Variants in VWC2 observed in about 807,000 individuals in gnomAD.
VWC2 encodes von Willebrand factor C domain containing 2.
VWC2 carries 14 observed loss-of-function variants against 29.8 expected under a neutral mutation model. The ratio of observed to expected loss-of-function variants is 0.47; its 90% CI spans 0.31 to 0.74. The LOEUF (loss-of-function observed/expected upper bound fraction) is 0.74, where lower values mean the gene tolerates loss of function less well. Among genes scored for constraint, VWC2 ranks in the 30% least tolerant of loss-of-function variants. The pLI is 0.05. For missense variants in VWC2, 457 were observed against 459.8 expected, an observed-to-expected ratio of 0.99 and a Z score of 0.05; for synonymous variants, 213 against 199.0, an observed-to-expected ratio of 1.07 and a Z score of -0.59.
At chr7:49,854,891 AAGCT>A (rs1228386538) in intron 3 of VWC2, among the ~76,000 whole-genome samples, 1 of 152,214 alleles carries the variant, frequency 6.6e-6, no homozygotes, top group Non-Finnish European at 1.5e-5. Flanking sequence ...TAGAACTATG[AAGCT>A]CAAAAAGGTT....
At chr7:49,897,336 AC>A (rs917111795) in intron 3 of VWC2, among the ~76,000 whole-genome samples, 6 of 152,216 alleles carry the variant, frequency 3.9e-5, no homozygotes, top group African/African-American at 1.2e-4. Context: ...AAAACCAAAG[AC>A]AGTGAAAAAA....
intron 2 of VWC2, among the ~76,000 whole-genome samples, chr7:49,797,801 A>G (rs911862132): frequency 4.6e-5 from 7 of 152,214 alleles, no homozygotes; most frequent in Non-Finnish European, 8.8e-5. Flanking sequence ...CTCCTGGCAC[A>G]CAATAGGGGC....
intron 2 of VWC2, among the ~76,000 whole-genome samples, chr7:49,794,950 C>G (rs561197088): frequency 1.3e-5 from 2 of 152,360 alleles, no homozygotes; most frequent in South Asian, 4.1e-4. Context: ...ATGCACGTAG[C>G]TCAGTTAGCG....
intron 3 of VWC2, among the ~76,000 whole-genome samples, chr7:49,856,767 T>A (rs1270501021): frequency 1.3e-5 from 2 of 152,018 alleles, no homozygotes; most frequent in African/African-American, 4.8e-5. Context: ...GTAACATGAT[T>A]GGGAGGCCGA....
At position 49,806,439 on chromosome 7, in the gene VWC2, A is replaced by G. The variant is rs1583640561; in HGVS notation, c.826+3599A>G. On this transcript the variant is annotated intron_variant, in intron 3 of 3. Transcript: ENST00000340652. Reference sequence around the variant, plus strand: ...TGCCAAAAGCACAAAGCCACTGGATATAAAGGTTGTATATCTCCCTGAAGT... The same window carrying G: ...TGCCAAAAGCACAAAGCCACTGGATGTAAAGGTTGTATATCTCCCTGAAGT... Among the ~76,000 whole-genome samples, 5 of 152,216 alleles carry G rather than the reference A, an allele frequency of 3.3e-5. No homozygotes were observed. In the South Asian group the frequency reaches 1.0e-3, roughly 31 times the overall value.
At chr7:49,788,669 GTC>G (rs1251047764) in intron 2 of VWC2, among the ~76,000 whole-genome samples, 3 of 141,354 alleles carry the variant, frequency 2.1e-5, no homozygotes, top group South Asian at 2.2e-4. Flanking sequence ...GGGTATGAGA[GTC>G]TGTGAGTGTG....
chr7:49,867,130 CTCGAGAGAACA>C (rs1583709554), intron 3 of VWC2, among the ~76,000 whole-genome samples: 2 of 152,288 alleles, frequency 1.3e-5, no homozygotes, highest in East Asian at 3.9e-4. Context: ...TGGGGAGCCT[CTCGAGAGAACA>C]ACACACACAG....
intron 3 of VWC2, among the ~76,000 whole-genome samples, chr7:49,884,006 G>A (rs1001572252): frequency 4.6e-5 from 7 of 152,222 alleles, no homozygotes; most frequent in African/African-American, 1.7e-4. Context: ...TAGCACGACT[G>A]TGGGTGTGGG....
chr7:49,859,514 AC>A (rs1263510814), intron 3 of VWC2, among the ~76,000 whole-genome samples: 3 of 152,110 alleles, frequency 2.0e-5, no homozygotes, highest in Non-Finnish European at 4.4e-5. Context: ...CACGTGGATA[AC>A]CACTTGTCTC....
chr7:49,845,265 C>T (rs77058189), intron 3 of VWC2, among the ~76,000 whole-genome samples: 4,522 of 150,886 alleles, frequency 0.03, 185 homozygotes, highest in South Asian at 0.12. Flanking sequence ...ATACACTGCA[C>T]ATGTACCCTG....
chr7:49,816,504 G>A (rs188205802), intron 3 of VWC2, among the ~76,000 whole-genome samples: 2 of 152,306 alleles, frequency 1.3e-5, no homozygotes, highest in African/African-American at 2.4e-5. Context: ...TCTGATTTGG[G>A]TAATGACAAA....
intron 1 of VWC2, among the ~76,000 whole-genome samples, chr7:49,774,717 A>T (rs1008633904): frequency 6.6e-6 from 1 of 152,158 alleles, no homozygotes; most frequent in Non-Finnish European, 1.5e-5. Flanking sequence ...GGCCGAGGGC[A>T]TCCTTTCATG....
At chr7:49,898,497 T>C (rs1217314325) in intron 3 of VWC2, among the ~76,000 whole-genome samples, 1 of 152,098 alleles carries the variant, frequency 6.6e-6, no homozygotes, top group African/African-American at 2.4e-5. Context: ...TTTTTATTAC[T>C]CCTTCACTTT....
At chr7:49,788,869 TGG>T (rs562390232) in intron 2 of VWC2, among the ~76,000 whole-genome samples, 2 of 137,690 alleles carry the variant, frequency 1.5e-5, no homozygotes, top group Non-Finnish European at 3.1e-5. Context: ...AGCGTGTGTG[TGG>T]GGGGTGTGAG....
intron 3 of VWC2, among the ~76,000 whole-genome samples, chr7:49,859,785 TGC>T (rs200452451): frequency 1.4e-4 from 11 of 80,012 alleles, no homozygotes; most frequent in South Asian, 3.8e-4. Flanking sequence ...ACAGTGCGCG[TGC>T]GTGCACACAC....
intron 3 of VWC2, among the ~76,000 whole-genome samples, chr7:49,854,862 A>G (rs958782571): frequency 1.3e-5 from 2 of 152,226 alleles, no homozygotes; most frequent in Non-Finnish European, 2.9e-5. Flanking sequence ...GATGGCTGTT[A>G]TCAACCATAT....
intron 3 of VWC2, among the ~76,000 whole-genome samples, chr7:49,871,906 TAAAC>T (rs1562743684): frequency 1.2e-5 from 1 of 84,668 alleles, no homozygotes; most frequent in Non-Finnish European, 2.3e-5. Context: ...TGTGTGTATA[TAAAC>T]ACACACACAC....
chr7:49,777,947 A>T (rs1446838390), intron 2 of VWC2, among the ~76,000 whole-genome samples: 1 of 151,828 alleles, frequency 6.6e-6, no homozygotes, highest in Non-Finnish European at 1.5e-5. Context: ...GTTGGTTTTT[A>T]ATTAATTCCT....
chr7:49,871,117 CA>C lies in VWC2; in HGVS notation c.827-40916del, dbSNP rs553133817. 3.2e-3 allele frequency among the ~76,000 whole-genome samples: 481 copies of C among 152,164 alleles called. 6 individuals carry two copies. The highest frequency in any genetic ancestry group is 0.011 in the African/African-American group (448 of 41,500). On this transcript the variant is annotated intron_variant, in intron 3 of 3. Transcript: ENST00000340652. ...CAAGAAGGACTTCAAAGTAGTATTT[CA>C]TAAATACAAAAGGTGATAAAGGAAT...
Sources: allele counts gnomAD v4.1 joint callset (sites outside exome capture counted in the v4.1 genomes callset), GRCh38; gene constraint gnomAD v4.1.1; transcripts MANE v1.5; gene names NCBI Gene and HGNC (gene_info 2026-07-23, HGNC 2026-07-21).